DIS3: variants seen among roughly 807,000 people sequenced by gnomAD.
DIS3 encodes the protein exosome complex exonuclease RRP44.
Under a neutral mutation model 113.0 loss-of-function variants are expected in DIS3, and 103 were observed. That is an observed-to-expected ratio of 0.91 (90% CI 0.78 to 1.07). The LOEUF is 1.07. Among genes scored for constraint, DIS3 ranks in the 50% least tolerant of loss-of-function variants. The pLI, the probability that DIS3 is intolerant of heterozygous loss-of-function variation, is 0.00. For missense variants in DIS3, 1,121 were observed against 1,167.1 expected (o/e 0.96, Z 0.58); for synonymous variants, 402 against 394.3 (o/e 1.02, Z -0.23).
rs535948368 is a variant in DIS3 at position 72,756,993 on chromosome 13, T to C, written c.*2802A>G. ...AGGGCTTTTTGAGTTAAGTGATATATTCCACGTAACCTGCTTAGCATAAGA... is the reference window on the plus strand; with the variant it reads ...AGGGCTTTTTGAGTTAAGTGATATACTCCACGTAACCTGCTTAGCATAAGA... On this transcript the variant is annotated 3_prime_UTR_variant, in exon 21 of 21. Transcript: ENST00000377767. 1 of 152,320 alleles carries C rather than the reference T, an allele frequency of 6.6e-6. No homozygotes were observed. Among genetic ancestry groups the C allele is most frequent in the East Asian group, 1.9e-4 (1 of 5,184 alleles). 9.4% of individuals were successfully genotyped at this position (152,320 alleles called of 1,614,324 possible).
At chr13:72,773,201 AT>A (rs1439691534) in intron 8 of DIS3, among the ~76,000 whole-genome samples, 5 of 152,226 alleles carry the variant, frequency 3.3e-5, no homozygotes, top group African/African-American at 1.2e-4. Context: ...GGCCAGGCAC[AT>A]TGGCTCATGC....
rs1198612774 is a variant in DIS3 at position 72,772,693 on chromosome 13, C to T, written c.1386G>A (p.Lys462=). The change falls in exon 9 of 21, where the codon AAG becomes AAA. Residue 462 remains lysine (K), a splice_region_variant and synonymous_variant. Transcript: ENST00000377767. ...LPKMPWSITE[K]DMKNREDLRH... ...TCACTACAAATTACTTTCAACTTACCTTTTCAGTAATGCTCCAGGGCATCT... is the reference window on the plus strand; with the variant it reads ...TCACTACAAATTACTTTCAACTTACTTTTTCAGTAATGCTCCAGGGCATCT... 4 of 1,598,868 alleles carry T rather than the reference C, an allele frequency of 2.5e-6. No individual in the cohort carries two copies. Among genetic ancestry groups the T allele is most frequent in the East Asian group, 4.5e-5 (2 of 44,738 alleles).
intron 15 of DIS3, among the ~76,000 whole-genome samples, chr13:72,765,082 A>G (rs963589663): frequency 6.6e-6 from 1 of 152,180 alleles, no homozygotes; most frequent in Admixed American, 6.5e-5. Context: ...TTCCAAAATT[A>G]CCTTAATGTA....
At chr13:72,769,564 T>C (rs2033837601) in intron 13 of DIS3, among the ~76,000 whole-genome samples, 1 of 151,788 alleles carries the variant, frequency 6.6e-6, no homozygotes, top group South Asian at 2.1e-4. Flanking sequence ...ATAACAGAGT[T>C]AGATAACGCA....
chr13:72,768,822 G>T lies in DIS3; in HGVS notation c.1846C>A (p.Leu616Ile). Residue 616 changes from leucine to isoleucine, a missense_variant, in exon 14 of 21, where the codon CTA becomes ATA. Around this residue, in one of 3 missense-constraint regions of DIS3, gnomAD observed 861 missense variants for 915.5 expected, o/e 0.94. Transcript: ENST00000377767. ...ITTSLRGLNK[L>I]AKILKKRRIE... ...CTTCTTTTCTTCAGAATTTTGGCTA[G>T]TTTATTCAGTCCACGGAGACTAGTG... 6.2e-7 allele frequency: 1 copy of T among 1,607,086 alleles called. No homozygotes were observed. The highest frequency in any genetic ancestry group is 8.5e-7 in the Non-Finnish European group (1 of 1,176,316).
intron 15 of DIS3, 82 bp downstream of exon 15, chr13:72,765,890 G>A (rs763659994): frequency 8.5e-5 from 81 of 956,396 alleles, no homozygotes; most frequent in Non-Finnish European, 1.1e-4. Flanking sequence ...GTATATAAAC[G>A]TTTTCATTAT....
chr13:72,775,255 G>T lies in DIS3; in HGVS notation c.943C>A (p.Gln315Lys), dbSNP rs2033982091. 6.2e-7 allele frequency: 1 copy of T among 1,612,982 alleles called. No homozygotes were observed. The highest frequency in any genetic ancestry group is 1.3e-5 in the African/African-American group (1 of 74,798). Residue 315 changes from glutamine to lysine, a missense_variant, in exon 6 of 21, where the codon CAA becomes AAA. By Grantham distance (53) the Gln-to-Lys change is moderately conservative. This residue lies in a region of DIS3 where 861 missense variants were observed against 915.5 expected (regional missense o/e 0.94). Coordinates refer to ENST00000377767, the MANE Select transcript of DIS3 (RefSeq NM_014953.5). ...PSSVVLHDEG[Q>K]NEEDVEKEEE... Reference sequence around the variant, plus strand: ...TCTTTCTCCACATCTTCTTCATTTTGACCTTCATCATGTAAAACCACAGAA... The same window carrying T: ...TCTTTCTCCACATCTTCTTCATTTTTACCTTCATCATGTAAAACCACAGAA...
At position 72,756,030 on chromosome 13, in the gene DIS3, A is replaced by G. The variant is rs2033457377; in HGVS notation, c.*3765T>C. 1 of 398,478 alleles carries G rather than the reference A, an allele frequency of 2.5e-6. No homozygotes were observed. 24.7% of individuals were successfully genotyped at this position (398,478 alleles called of 1,614,324 possible). The stretch of plus-strand genomic sequence containing the variant: ...CCTGTGAAGTAACACTGGGGCAGAT[A>G]TGTATGTTATATACAACTATTTTTT... On this transcript the variant is annotated 3_prime_UTR_variant, in exon 21 of 21. Coordinates refer to ENST00000377767, the MANE Select transcript of DIS3 (RefSeq NM_014953.5).
rs1217368231 is a variant in DIS3, at chr13:72,754,156, T to G, written c.*5639A>C. The G allele has an allele frequency of 5.5e-6, 1 of 181,014 alleles. No homozygotes were observed. The highest frequency in any genetic ancestry group is 1.6e-4 in the East Asian group (1 of 6,388). 11.2% of individuals were successfully genotyped at this position (181,014 alleles called of 1,614,324 possible). ...TTTAATTTTATGTGCCAATTTTTTTTGCATTTTATTTTTTTGTAGAGACAG... is the reference window on the plus strand; with the variant it reads ...TTTAATTTTATGTGCCAATTTTTTTGGCATTTTATTTTTTTGTAGAGACAG... On this transcript the variant is annotated 3_prime_UTR_variant, in exon 21 of 21. Transcript: ENST00000377767.
In DIS3 at chr13:72,753,607, T is replaced by G; in HGVS notation, c.*6188A>C. ...GTTAGGATCATTCAGATGTAGTGAA[T>G]GAGAGTTTATAGTGGTTTACTTATT... is the stretch of plus-strand genomic sequence containing the variant. On this transcript the variant is annotated 3_prime_UTR_variant, in exon 21 of 21. Coordinates refer to ENST00000377767, the MANE Select transcript of DIS3 (RefSeq NM_014953.5). The G allele has an allele frequency of 3.6e-6, 5 of 1,375,364 alleles. No individual in the cohort carries two copies. Among genetic ancestry groups the G allele is most frequent in the Non-Finnish European group, 5.0e-6 (5 of 997,702 alleles). 85.2% of individuals were successfully genotyped at this position (1,375,364 alleles called of 1,614,324 possible).
rs1251407057 is a variant in DIS3, at chr13:72,761,537, C to A, written c.2512-16G>T. 6.4e-7 allele frequency: 1 copy of A among 1,550,730 alleles called. No homozygotes were observed. The highest frequency in any genetic ancestry group is 8.7e-7 in the Non-Finnish European group (1 of 1,153,730). ...TGAAGAATAACTGTAAAATAACATA[C>A]AACTTATTTAAATTGTCTTAAAAAT... On this transcript the variant is annotated splice_polypyrimidine_tract_variant and intron_variant, in intron 18 of 20. Transcript: ENST00000377767.
rs959663467 is a variant in DIS3 at position 72,763,630 on chromosome 13, A to G, written c.1971-23T>C. ...TCCCTGCCAATGGAAAAAGCATTAA[A>G]CAAACAAAAAAGAGAATCTGAGACT... On this transcript the variant is annotated intron_variant, in intron 15 of 20. Transcript: ENST00000377767. 2.5e-6 allele frequency: 4 copies of G among 1,596,328 alleles called. No homozygotes were observed. In the African/African-American group the frequency reaches 5.4e-5, roughly 22 times the overall value.
Position 72,768,773 on chromosome 13 carries a change from A to T in DIS3, c.1883+12T>A, listed in dbSNP as rs780100540. On this transcript the variant is annotated intron_variant, in intron 14 of 20. Coordinates refer to ENST00000377767, the MANE Select transcript of DIS3 (RefSeq NM_014953.5). ...TAAAAATTATCTTAATACTATGAAA[A>T]ACAAAATATACCCTTTTTCAATCCT... The T allele has an allele frequency of 6.3e-7, 1 of 1,581,876 alleles. No individual in the cohort carries two copies.
chr13:72,775,448 CA>C, intron 5 of DIS3, 73 bp from the exon 6 acceptor site: 1 of 1,432,094 alleles, frequency 7.0e-7, no homozygotes, highest in Non-Finnish European at 9.3e-7. Context: ...GATCATCTAA[CA>C]GATATTTACA....
intron 14 of DIS3, among the ~76,000 whole-genome samples, chr13:72,767,177 T>C (rs2033770058): frequency 6.6e-6 from 1 of 152,148 alleles, no homozygotes; most frequent in Non-Finnish European, 1.5e-5. Flanking sequence ...CTGATTGCTT[T>C]TTCAATTCTC....
intron 13 of DIS3, among the ~76,000 whole-genome samples, chr13:72,769,418 C>T (rs1343300185): frequency 6.6e-6 from 1 of 151,584 alleles, no homozygotes; most frequent in African/African-American, 2.4e-5. Flanking sequence ...TAAAGTAATC[C>T]CCAATGAAAA....
In DIS3 at chr13:72,772,802, T is replaced by C. The variant is rs533555209; in HGVS notation, c.1277A>G (p.Lys426Arg). 1 of 1,611,772 alleles carries C rather than the reference T, an allele frequency of 6.2e-7. No individual in the cohort carries two copies. Among genetic ancestry groups the C allele is most frequent in the Non-Finnish European group, 8.5e-7 (1 of 1,179,422 alleles). ...FVRNLGDVGE[K>R]ETETEVLLLE... Reference sequence around the variant, plus strand: ...TAACAAAACTTCTGTTTCAGTCTCTTTCTCTCCAACATCACCTAAATTTCT... The same window carrying C: ...TAACAAAACTTCTGTTTCAGTCTCTCTCTCTCCAACATCACCTAAATTTCT... The change falls in exon 9 of 21, where the codon AAA becomes AGA. Residue 426 changes from lysine (K) to arginine (R), a missense_variant. By Grantham distance (26) the Lys-to-Arg change is conservative. Around this residue, in one of 3 missense-constraint regions of DIS3, gnomAD observed 861 missense variants for 915.5 expected, o/e 0.94. Coordinates refer to ENST00000377767, the MANE Select transcript of DIS3 (RefSeq NM_014953.5).
chr13:72,781,032 T>C, intron 1 of DIS3, 29 bp from the exon 2 acceptor site: 1 of 1,577,106 alleles, frequency 6.3e-7, no homozygotes, highest in Non-Finnish European at 8.6e-7. Flanking sequence ...TAATTTTTCC[T>C]ATATTCATTT....
chr13:72,774,964 C>T (rs1228917481), intron 6 of DIS3, among the ~76,000 whole-genome samples: 1 of 152,088 alleles, frequency 6.6e-6, no homozygotes, highest in African/African-American at 2.4e-5. Context: ...CACAGATTTT[C>T]AGTTTCATAC....
Sources: allele counts gnomAD v4.1 joint callset (sites outside exome capture counted in the v4.1 genomes callset), GRCh38; gene constraint gnomAD v4.1.1; regional missense constraint gnomAD v4.1.1; transcripts MANE v1.5; gene names NCBI Gene and HGNC (gene_info 2026-07-23, HGNC 2026-07-21).